KLHL32: variants seen among roughly 807,000 people sequenced by gnomAD.
KLHL32 encodes kelch-like protein 32.
KLHL32 carries 35 observed loss-of-function variants against 64.8 expected under a neutral mutation model. The ratio of observed to expected loss-of-function variants is 0.54; its 90% confidence interval spans 0.41 to 0.72. The LOEUF (loss-of-function observed/expected upper bound fraction) is 0.72, where lower values mean the gene tolerates loss of function less well. KLHL32 is among the 30% of genes least tolerant of loss of function. The pLI, the probability that KLHL32 is intolerant of heterozygous loss-of-function variation, is 0.00. For missense variants in KLHL32, 589 were observed against 768.5 expected (o/e 0.77, Z 2.76); for synonymous variants, 259 against 281.0 (o/e 0.92, Z 0.78).
intron 1 of KLHL32, among the ~76,000 whole-genome samples, chr6:96,966,662 A>G (rs998413743): frequency 8.5e-5 from 13 of 152,214 alleles, no homozygotes; most frequent in African/African-American, 3.1e-4. Context: ...TGTGGTTTAG[A>G]TCATTGTGTC....
intron 1 of KLHL32, among the ~76,000 whole-genome samples, chr6:96,950,197 T>C (rs1328742457): frequency 6.6e-6 from 1 of 151,920 alleles, no homozygotes. Context: ...AGGCAAGTGT[T>C]TTTGGAGGTG....
intron 6 of KLHL32, among the ~76,000 whole-genome samples, chr6:97,087,717 C>T (rs1245213914): frequency 2.6e-5 from 4 of 152,136 alleles, no homozygotes; most frequent in Non-Finnish European, 4.4e-5. Context: ...GCAGGTGGCT[C>T]TTCTACTATG....
chr6:97,017,497 T>G (rs1781378696), intron 3 of KLHL32, among the ~76,000 whole-genome samples: 1 of 151,916 alleles, frequency 6.6e-6, no homozygotes. Context: ...AGAACAAAGG[T>G]GAGGAGTCAG....
intron 6 of KLHL32, among the ~76,000 whole-genome samples, chr6:97,108,320 A>G (rs572374915): frequency 6.6e-6 from 1 of 152,318 alleles, no homozygotes; most frequent in African/African-American, 2.4e-5. Flanking sequence ...TTCTCAGTGT[A>G]ATGCCATTAT....
chr6:97,019,434 T>C (rs1231197844), intron 3 of KLHL32, among the ~76,000 whole-genome samples: 1 of 152,162 alleles, frequency 6.6e-6, no homozygotes, highest in Non-Finnish European at 1.5e-5. Context: ...TTTTTCAGAG[T>C]TGGCCAGTGT....
intron 6 of KLHL32, among the ~76,000 whole-genome samples, chr6:97,098,017 G>A (rs904102420): frequency 6.6e-6 from 1 of 152,202 alleles, no homozygotes. Flanking sequence ...CAAACATAGG[G>A]GAGGGGTTGA....
intron 10 of KLHL32, among the ~76,000 whole-genome samples, chr6:97,137,642 C>T (rs954670795): frequency 3.3e-5 from 5 of 152,056 alleles, no homozygotes; most frequent in Non-Finnish European, 5.9e-5. Flanking sequence ...TCAAGCCATT[C>T]TCCTGCCTCA....
intron 4 of KLHL32, among the ~76,000 whole-genome samples, chr6:97,060,133 G>A (rs1462135572): frequency 6.6e-6 from 1 of 152,000 alleles, no homozygotes; most frequent in Non-Finnish European, 1.5e-5. Context: ...CAAGAAGCAG[G>A]TAATTAAAAA....
At chr6:97,035,216 A>G (rs1784112693) in intron 3 of KLHL32, among the ~76,000 whole-genome samples, 1 of 152,108 alleles carries the variant, frequency 6.6e-6, no homozygotes, top group African/African-American at 2.4e-5. Flanking sequence ...TAAGTTCATA[A>G]CAACTTAACT....
chr6:97,028,827 T>C (rs540484815), intron 3 of KLHL32, among the ~76,000 whole-genome samples: 28 of 152,346 alleles, frequency 1.8e-4, no homozygotes, highest in Non-Finnish European at 3.2e-4. Flanking sequence ...CCTAAACATC[T>C]GAAAGAGGCA....
At chr6:97,028,221 A>G (rs1162527869) in intron 3 of KLHL32, among the ~76,000 whole-genome samples, 1 of 152,118 alleles carries the variant, frequency 6.6e-6, no homozygotes, top group African/African-American at 2.4e-5. Context: ...CCGAGATTCT[A>G]TATTTCTTAC....
intron 10 of KLHL32, among the ~76,000 whole-genome samples, chr6:97,133,834 A>G (rs1470768256): frequency 6.6e-6 from 1 of 152,198 alleles, no homozygotes; most frequent in Non-Finnish European, 1.5e-5. Flanking sequence ...CTGAATGGAT[A>G]TGGGTTCTGA....
intron 2 of KLHL32, among the ~76,000 whole-genome samples, chr6:96,973,728 G>T (rs944477939): frequency 5.9e-5 from 3 of 50,844 alleles, no homozygotes; most frequent in African/African-American, 9.1e-5. Context: ...TTTACAGATT[G>T]CCTTTTTTTT....
intron 3 of KLHL32, among the ~76,000 whole-genome samples, chr6:97,016,582 A>G (rs2128099476): frequency 6.6e-6 from 1 of 152,268 alleles, no homozygotes; most frequent in South Asian, 2.1e-4. Context: ...GGTGGAAGGG[A>G]CTTTCCTTGT....
rs552700761 is a variant in KLHL32, at chr6:96,974,600, CT to C, written c.24-1394del. ...ATCATCACCGTCTGTCAAGTTTTTTCTTTCCATATTTCTGACATTCTGATGC... is the reference window on the plus strand; with the variant it reads ...ATCATCACCGTCTGTCAAGTTTTTTCTTCCATATTTCTGACATTCTGATGC... On this transcript the variant is annotated intron_variant, in intron 2 of 10. Transcript: ENST00000369261. Among the ~76,000 whole-genome samples the C allele has an allele frequency of 1.1e-4, 17 of 152,298 alleles. No homozygotes were observed. In the East Asian group the frequency reaches 2.9e-3, roughly 26 times the overall value.
chr6:97,007,957 G>A (rs569160147), intron 3 of KLHL32, among the ~76,000 whole-genome samples: 24 of 152,328 alleles, frequency 1.6e-4, no homozygotes, highest in African/African-American at 5.8e-4. Flanking sequence ...ATTTGTGCTC[G>A]CTTGCACATG....
chr6:96,924,557 G>T (rs550182038), upstream of KLHL32: 162 of 151,562 alleles, frequency 1.1e-3, no homozygotes, highest in African/African-American at 3.8e-3. Context: ...ATGTGCGCGG[G>T]ATCGCGGGGG....
chr6:96,959,144 C>T (rs895082245), intron 1 of KLHL32, among the ~76,000 whole-genome samples: 8 of 152,160 alleles, frequency 5.3e-5, no homozygotes, highest in Non-Finnish European at 8.8e-5. Flanking sequence ...GGGCCAGATG[C>T]TCCAAGAGGA....
intron 1 of KLHL32, among the ~76,000 whole-genome samples, chr6:96,965,234 T>G (rs1453368407): frequency 6.6e-6 from 1 of 152,228 alleles, no homozygotes; most frequent in Non-Finnish European, 1.5e-5. Flanking sequence ...AACCATATTT[T>G]TTAAATTCAG....
Sources: allele counts gnomAD v4.1 joint callset (sites outside exome capture counted in the v4.1 genomes callset), GRCh38; gene constraint gnomAD v4.1.1; transcripts MANE v1.5; gene names NCBI Gene and HGNC (gene_info 2026-07-23, HGNC 2026-07-21).